SEC14L4: variants seen among roughly 807,000 people sequenced by gnomAD.
SEC14L4 encodes the protein SEC14-like protein 4.
In SEC14L4, 42 loss-of-function variants were observed where a neutral mutation model predicts 55.1. The ratio of observed to expected loss-of-function variants is 0.76; its 90% CI spans 0.60 to 0.99. SEC14L4 has a LOEUF of 0.99. Ranked by LOEUF, SEC14L4 falls within the 50% of genes least tolerant of loss-of-function variation. The pLI, the probability that SEC14L4 is intolerant of heterozygous loss-of-function variation, is 0.00. For missense variants in SEC14L4, 445 were observed against 512.1 expected (o/e 0.87, Z 1.27); for synonymous variants, 206 against 206.8 (o/e 1.00, Z 0.03).
In SEC14L4 at chr22:30,491,959, AC is replaced by A. The variant is rs1264741332; in HGVS notation, c.785del (p.Gly262ValfsTer13). 1 of 1,613,690 alleles carries A rather than the reference AC, an allele frequency of 6.2e-7. No individual in the cohort carries two copies. Among genetic ancestry groups the A allele is most frequent in the African/African-American group, 1.3e-5 (1 of 74,826 alleles). ...PKCLTKINYG[G>X]EVPKSYYLCE... ...ACAGGTAGTAGCTCTTGGGCACCTCACCCCCATAGTTGATCTGTGGGTGAAG... is the reference window on the plus strand; with the variant it reads ...ACAGGTAGTAGCTCTTGGGCACCTCACCCCATAGTTGATCTGTGGGTGAAG... On this transcript the variant is annotated frameshift_variant, in exon 10 of 12. Transcript: ENST00000255858. LOFTEE classifies it high-confidence loss of function.
chr22:30,493,835 C>A (rs926160102), intron 7 of SEC14L4, among the ~76,000 whole-genome samples: 17 of 152,134 alleles, frequency 1.1e-4, no homozygotes, highest in African/African-American at 3.9e-4. Flanking sequence ...GAAACCCCAT[C>A]TCTACTAAAA....
At chr22:30,502,613 C>T (rs1475470876) in intron 2 of SEC14L4, among the ~76,000 whole-genome samples, 1 of 152,046 alleles carries the variant, frequency 6.6e-6, no homozygotes, top group Non-Finnish European at 1.5e-5. Context: ...TGCAGTGGTA[C>T]AATCTCAGCT....
At chr22:30,492,678 G>A (rs1936004823) in intron 7 of SEC14L4, 121 bp from the exon 8 acceptor site, 1 of 752,262 alleles carries the variant, frequency 1.3e-6, no homozygotes, top group African/African-American at 1.7e-5. Flanking sequence ...ACTCTCTGCT[G>A]TGTGACCTTC....
chr22:30,502,109 G>A (rs912778188), intron 2 of SEC14L4, among the ~76,000 whole-genome samples: 1 of 151,538 alleles, frequency 6.6e-6, no homozygotes, highest in South Asian at 2.1e-4. Context: ...CAAGTGATCT[G>A]CCCGCCTCGG....
intron 7 of SEC14L4, among the ~76,000 whole-genome samples, chr22:30,493,219 C>T (rs1936025911): frequency 6.6e-6 from 1 of 152,182 alleles, no homozygotes; most frequent in African/African-American, 2.4e-5. Context: ...TTCTTTTCCA[C>T]ACTCCAGGTT....
intron 1 of SEC14L4, 128 bp from the exon 2 acceptor site, chr22:30,503,880 G>C (rs1936412220): frequency 4.8e-6 from 3 of 618,834 alleles, no homozygotes; most frequent in Non-Finnish European, 8.3e-6. Flanking sequence ...GTGCTGCCCT[G>C]AACGACTTTG....
At chr22:30,496,874 A>G (rs192402650) in intron 2 of SEC14L4, among the ~76,000 whole-genome samples, 55 of 152,360 alleles carry the variant, frequency 3.6e-4, no homozygotes, top group African/African-American at 1.3e-3. Context: ...AATTGAAAAC[A>G]TGATGCTGTA....
At chr22:30,494,264 TG>T (rs991116981) in intron 6 of SEC14L4, 54 bp from the exon 7 acceptor site, 20 of 1,388,028 alleles carry the variant, frequency 1.4e-5, no homozygotes, top group Non-Finnish European at 1.9e-5. Context: ...CTCCCGCCCA[TG>T]GGTTTCTGTG....
At chr22:30,493,070 T>G (rs1936017124) in intron 7 of SEC14L4, among the ~76,000 whole-genome samples, 3 of 124,054 alleles carry the variant, frequency 2.4e-5, no homozygotes, top group African/African-American at 6.4e-5. Context: ...GGTGAGAGAG[T>G]GAGATTCCAT....
At chr22:30,492,352 C>T in intron 8 of SEC14L4, 122 bp downstream of exon 8, 1 of 1,153,648 alleles carries the variant, frequency 8.7e-7, no homozygotes. Flanking sequence ...CGTGTGGAGG[C>T]TCACCAGGGT....
chr22:30,490,429 T>A, intron 11 of SEC14L4, 183 bp from the exon 12 acceptor site: 2 of 910,614 alleles, frequency 2.2e-6, no homozygotes, highest in Non-Finnish European at 1.6e-6. Context: ...GGCCAGCCTG[T>A]GCCCAGCCCT....
At chr22:30,505,448 C>A in intron 1 of SEC14L4, 110 bp downstream of exon 1, 1 of 1,158,100 alleles carries the variant, frequency 8.6e-7, no homozygotes. Flanking sequence ...CAGAGGCGCT[C>A]TCTCCAGGCT....
In SEC14L4 at chr22:30,492,066, G is replaced by A. The variant is rs1171878671; in HGVS notation, c.754C>T (p.Pro252Ser). Residue 252 changes from proline (P) to serine (S), a missense_variant, in exon 9 of 12, where the codon CCC becomes TCC. Pro to Ser is a moderately conservative substitution (Grantham distance 74, BLOSUM62 -1). Coordinates refer to ENST00000255858, the MANE Select transcript of SEC14L4 (RefSeq NM_174977.4). The part of the protein sequence containing the change: ...GGTMTDPDGN[P>S]KCLTKINYGG... ...CCCTGTACCTTGGTCAGGCACTTGG[G>A]GTTGCCATCGGGGTCAGTCATGGTC... The A allele has an allele frequency of 6.2e-7, 1 of 1,613,818 alleles. No homozygotes were observed. The highest frequency in any genetic ancestry group is 1.7e-5 in the Admixed American group (1 of 59,980).
intron 2 of SEC14L4, among the ~76,000 whole-genome samples, chr22:30,496,561 A>ACCCCCC (rs373953875): frequency 1.3e-5 from 2 of 148,958 alleles, no homozygotes; most frequent in Non-Finnish European, 3.0e-5. Flanking sequence ...AAGCAGAGAC[A>ACCCCCC]CCCCCCCCCA....
At chr22:30,494,530 G>C (rs956259691) in intron 6 of SEC14L4, among the ~76,000 whole-genome samples, 69 of 152,100 alleles carry the variant, frequency 4.5e-4, no homozygotes, top group Admixed American at 5.2e-4. Context: ...ACTGCACTGG[G>C]CTAATGTAAA....
chr22:30,498,947 A>AT (rs201663766), intron 2 of SEC14L4, among the ~76,000 whole-genome samples: 2,064 of 151,276 alleles, frequency 0.014, 33 homozygotes, highest in Non-Finnish European at 0.014. Flanking sequence ...TATTATTATT[A>AT]TTATTATTTT....
chr22:30,499,580 A>T (rs1936256905), intron 2 of SEC14L4, among the ~76,000 whole-genome samples: 1 of 151,462 alleles, frequency 6.6e-6, no homozygotes, highest in South Asian at 2.1e-4. Flanking sequence ...TCTACTAAAA[A>T]TACAAAAAAT....
chr22:30,494,353 T>C (rs1936068503), intron 6 of SEC14L4, 143 bp from the exon 7 acceptor site: 1 of 677,194 alleles, frequency 1.5e-6, no homozygotes, highest in Middle Eastern at 2.7e-4. Flanking sequence ...TCTTCCTCTC[T>C]GTTATTCTTT....
chr22:30,489,693 G>A lies in SEC14L4; in HGVS notation c.*414C>T. ...GAGAACAGGGCTTCTCTGCTCTTCA[G>A]GCCTGAAGCTGTGATGTCCACAGGA... On this transcript the variant is annotated 3_prime_UTR_variant, in exon 12 of 12. Coordinates refer to ENST00000255858, the MANE Select transcript of SEC14L4 (RefSeq NM_174977.4). The A allele has an allele frequency of 3.0e-6, 2 of 667,858 alleles. No individual in the cohort carries two copies. Among genetic ancestry groups the A allele is most frequent in the Non-Finnish European group, 5.3e-6 (2 of 374,112 alleles). The allele number at this position is 667,858 out of a possible 1,614,324, so 41.4% of individuals were successfully genotyped here.
Sources: allele counts gnomAD v4.1 joint callset (sites outside exome capture counted in the v4.1 genomes callset), GRCh38; gene constraint gnomAD v4.1.1; transcripts MANE v1.5; gene names NCBI Gene and HGNC (gene_info 2026-07-23, HGNC 2026-07-21).